The following SLCO1B1 variants were observed in gnomAD, a reference collection of about 807,000 sequenced individuals.
The protein encoded by SLCO1B1 is solute carrier organic anion transporter family member 1B1, also known as OATP-2.
A neutral mutation model predicts 70.1 loss-of-function variants in SLCO1B1; 81 were observed. That is an observed-to-expected ratio of 1.16 (90% confidence interval 0.97 to 1.39). The LOEUF is 1.39. Among genes scored for constraint, SLCO1B1 ranks in the 40% most tolerant of loss-of-function variants. The pLI is 0.00. For missense variants in SLCO1B1, 895 were observed against 799.6 expected (o/e 1.12, Z -1.44); for synonymous variants, 283 against 271.5 (o/e 1.04, Z -0.42).
intron 2 of SLCO1B1, among the ~76,000 whole-genome samples, chr12:21,159,737 C>T (rs186313414): frequency 8.6e-5 from 13 of 152,018 alleles, no homozygotes; most frequent in Non-Finnish European, 2.9e-5. Context: ...CTAGAAAACC[C>T]CAAAAGCTCC....
At chr12:21,214,620 T>A (rs35786525) in intron 11 of SLCO1B1, among the ~76,000 whole-genome samples, 44,840 of 141,844 alleles carry the variant, frequency 0.32, 7,744 homozygotes, top group East Asian at 0.43. Flanking sequence ...GCTTTGTTTT[T>A]CCTAATCAAG....
intron 7 of SLCO1B1, among the ~76,000 whole-genome samples, chr12:21,188,726 G>T (rs923788215): frequency 1.3e-5 from 2 of 152,084 alleles, no homozygotes; most frequent in African/African-American, 4.8e-5. Context: ...AGAGACTGCA[G>T]AACTGCATAA....
At chr12:21,196,763 T>A (rs187786927) in intron 7 of SLCO1B1, among the ~76,000 whole-genome samples, 183 bp from the exon 8 acceptor site, 18 of 152,288 alleles carry the variant, frequency 1.2e-4, no homozygotes, top group African/African-American at 4.1e-4. Flanking sequence ...CTAGACAGTA[T>A]CTGTTGCATT....
At chr12:21,134,146 C>A (rs144756244) in intron 1 of SLCO1B1, among the ~76,000 whole-genome samples, 1 of 152,214 alleles carries the variant, frequency 6.6e-6, no homozygotes, top group Non-Finnish European at 1.5e-5. Flanking sequence ...TATTGATTTG[C>A]GTATGTTGAA....
At chr12:21,232,093 A>G (rs2121204997) in intron 14 of SLCO1B1, among the ~76,000 whole-genome samples, 1 of 152,324 alleles carries the variant, frequency 6.6e-6, no homozygotes, top group African/African-American at 2.4e-5. Context: ...GGGAAGCCAG[A>G]AGTTGGTCAT....
chr12:21,193,197 T>G (rs1941050337), intron 7 of SLCO1B1, among the ~76,000 whole-genome samples: 1 of 152,198 alleles, frequency 6.6e-6, no homozygotes, highest in Non-Finnish European at 1.5e-5. Flanking sequence ...ATTCTCTATG[T>G]GTCTGTTACG....
intron 7 of SLCO1B1, among the ~76,000 whole-genome samples, chr12:21,189,248 A>G (rs1464895698): frequency 6.6e-6 from 1 of 152,146 alleles, no homozygotes; most frequent in African/African-American, 2.4e-5. Context: ...GTGTTCAAAT[A>G]TCTCCACATT....
intron 1 of SLCO1B1, among the ~76,000 whole-genome samples, chr12:21,135,084 A>G (rs1187032301): frequency 2.0e-5 from 3 of 152,090 alleles, no homozygotes; most frequent in Non-Finnish European, 2.9e-5. Flanking sequence ...CCTTCATTTC[A>G]TTATGTACCC....
chr12:21,141,727 T>C lies in SLCO1B1; in HGVS notation c.84+69T>C, dbSNP rs182369743. ...GAACTTTAATGTATAGAAAAGCAAGTTGTTAAAAAGAACATTATGTTTCAA... is the reference window on the plus strand; with the variant it reads ...GAACTTTAATGTATAGAAAAGCAAGCTGTTAAAAAGAACATTATGTTTCAA... On this transcript the variant is annotated intron_variant, in intron 2 of 14. Coordinates refer to ENST00000256958, the MANE Select transcript of SLCO1B1 (RefSeq NM_006446.5). 1.5e-5 allele frequency: 14 copies of C among 927,658 alleles called. No homozygotes were observed. In the East Asian group the frequency reaches 3.5e-4, roughly 23 times the overall value. 57.5% of individuals were successfully genotyped at this position (927,658 alleles called of 1,614,324 possible).
At chr12:21,172,843 A>G (rs773377142) in intron 3 of SLCO1B1, 52 bp downstream of exon 3, 2 of 1,519,812 alleles carry the variant, frequency 1.3e-6, no homozygotes, top group African/African-American at 2.7e-5. Context: ...TAAAAAATAT[A>G]TATGCTTTAC....
chr12:21,229,889 C>G (rs1941516397), intron 14 of SLCO1B1, among the ~76,000 whole-genome samples: 1 of 151,972 alleles, frequency 6.6e-6, no homozygotes, highest in Non-Finnish European at 1.5e-5. Context: ...ATTACGACTC[C>G]CAGTACCATG....
intron 2 of SLCO1B1, among the ~76,000 whole-genome samples, chr12:21,152,075 G>C (rs1168352800): frequency 6.6e-6 from 1 of 151,490 alleles, no homozygotes; most frequent in Non-Finnish European, 1.5e-5. Context: ...TGATTTTTTT[G>C]TCTTTGTTAT....
chr12:21,144,864 A>G (rs79429209), intron 2 of SLCO1B1, among the ~76,000 whole-genome samples: 10,360 of 152,242 alleles, frequency 0.068, 1,084 homozygotes, highest in African/African-American at 0.23. Context: ...GCAAATGCTA[A>G]CAGAATTTGT....
At chr12:21,193,287 G>C (rs778665690) in intron 7 of SLCO1B1, among the ~76,000 whole-genome samples, 33 of 152,096 alleles carry the variant, frequency 2.2e-4, no homozygotes, top group Non-Finnish European at 3.4e-4. Flanking sequence ...ATAATTGAAA[G>C]TGAGATATTA....
At chr12:21,188,618 A>G (rs1216360004) in intron 7 of SLCO1B1, among the ~76,000 whole-genome samples, 2 of 152,020 alleles carry the variant, frequency 1.3e-5, no homozygotes, top group Admixed American at 1.3e-4. Flanking sequence ...ATAGTTTAAC[A>G]CCATCCCCCT....
Position 21,178,565 on chromosome 12 carries a change from T to G in SLCO1B1, c.482-11T>G. On this transcript the variant is annotated splice_polypyrimidine_tract_variant and intron_variant, in intron 5 of 14. Transcript: ENST00000256958. ...TAATGTTTAAAATGAAACACTCTCT[T>G]ATCTACATAGGTTGTTTAAAGGAAT... is the stretch of plus-strand genomic sequence containing the variant. 6.3e-7 allele frequency: 1 copy of G among 1,582,428 alleles called. No individual in the cohort carries two copies. The highest frequency in any genetic ancestry group is 8.7e-7 in the Non-Finnish European group (1 of 1,151,950).
At chr12:21,191,318 G>A (rs1397323945) in intron 7 of SLCO1B1, among the ~76,000 whole-genome samples, 3 of 151,940 alleles carry the variant, frequency 2.0e-5, no homozygotes, top group Non-Finnish European at 2.9e-5. Context: ...TCAGTGTCTT[G>A]AAGTATTTCA....
intron 14 of SLCO1B1, among the ~76,000 whole-genome samples, chr12:21,229,473 A>G (rs1229599410): frequency 6.6e-6 from 1 of 152,198 alleles, no homozygotes; most frequent in Non-Finnish European, 1.5e-5. Flanking sequence ...AGAATCATAC[A>G]GTATGTAGCA....
At chr12:21,227,417 A>T (rs770694900) in intron 14 of SLCO1B1, among the ~76,000 whole-genome samples, 5 of 152,160 alleles carry the variant, frequency 3.3e-5, no homozygotes, top group Non-Finnish European at 5.9e-5. Context: ...TCTCTGGAGT[A>T]AAGACCTAGG....
Sources: allele counts gnomAD v4.1 joint callset (sites outside exome capture counted in the v4.1 genomes callset), GRCh38; gene constraint gnomAD v4.1.1; transcripts MANE v1.5; gene names NCBI Gene and HGNC (gene_info 2026-07-23, HGNC 2026-07-21).